The following NRXN3 variants were observed in gnomAD, a reference collection of about 807,000 sequenced individuals.
The protein encoded by NRXN3 is neurexin 3.
Under a neutral mutation model 137.6 loss-of-function variants are expected in NRXN3, and 32 were observed. The observed-to-expected ratio is 0.23, with a 90% CI of 0.18 to 0.31. The LOEUF is 0.31. Ranked by LOEUF, NRXN3 falls within the 10% of genes least tolerant of loss-of-function variation. NRXN3 has a pLI of 1.00. For synonymous variants in NRXN3, 798 were observed against 784.5 expected (o/e 1.02, Z -0.29); for missense variants, 1,574 against 2,062.5 (o/e 0.76, Z 4.59).
chr14:78,501,578 T>C (rs953014838), intron 4 of NRXN3, among the ~76,000 whole-genome samples: 1 of 152,118 alleles, frequency 6.6e-6, no homozygotes, highest in East Asian at 1.9e-4. Context: ...CACACTCAGG[T>C]GGAGAAGGTT....
chr14:78,501,583 A>G (rs192073748), intron 4 of NRXN3, among the ~76,000 whole-genome samples: 4 of 152,292 alleles, frequency 2.6e-5, no homozygotes, highest in Admixed American at 2.6e-4. Context: ...TCAGGTGGAG[A>G]AGGTTATACT....
At chr14:78,708,771 A>G (rs1286868348) in intron 6 of NRXN3, among the ~76,000 whole-genome samples, 1 of 152,210 alleles carries the variant, frequency 6.6e-6, no homozygotes, top group Non-Finnish European at 1.5e-5. Flanking sequence ...CATCAAAACC[A>G]AAAGCAATAC....
At chr14:79,307,436 T>C (rs1007617665) in intron 15 of NRXN3, among the ~76,000 whole-genome samples, 1 of 152,148 alleles carries the variant, frequency 6.6e-6, no homozygotes, top group Non-Finnish European at 1.5e-5. Context: ...GGTAATCTAT[T>C]GTTTCATGAA....
chr14:78,271,922 C>A (rs1397227622), intron 2 of NRXN3, among the ~76,000 whole-genome samples: 1 of 152,042 alleles, frequency 6.6e-6, no homozygotes, highest in Non-Finnish European at 1.5e-5. Flanking sequence ...CAGAAAGAGC[C>A]CTAGAACGAA....
At chr14:79,423,826 C>G (rs563099375) in intron 15 of NRXN3, among the ~76,000 whole-genome samples, 1 of 152,354 alleles carries the variant, frequency 6.6e-6, no homozygotes, top group African/African-American at 2.4e-5. Context: ...AGAGGAGACA[C>G]AAACAAATTG....
At chr14:78,891,255 A>G (rs746686976) in intron 10 of NRXN3, among the ~76,000 whole-genome samples, 10 of 151,956 alleles carry the variant, frequency 6.6e-5, no homozygotes, top group Non-Finnish European at 1.5e-4. Context: ...ATTTATAACA[A>G]TCAGGAAGCT....
At chr14:78,660,347 T>G (rs1251856973) in intron 6 of NRXN3, among the ~76,000 whole-genome samples, 1 of 151,658 alleles carries the variant, frequency 6.6e-6, no homozygotes, top group African/African-American at 2.4e-5. Context: ...TCATTCTCAA[T>G]CCAATGATTC....
chr14:79,766,411 G>A (rs568604496), intron 19 of NRXN3, among the ~76,000 whole-genome samples: 7 of 152,074 alleles, frequency 4.6e-5, no homozygotes, highest in South Asian at 2.1e-4. Flanking sequence ...CCTAATAGAC[G>A]CTTATTTCTT....
Position 79,278,493 on chromosome 14 carries a change from G to A in NRXN3, c.3263-188728G>A, listed in dbSNP as rs79224895. Among the ~76,000 whole-genome samples the A allele has an allele frequency of 7.6e-3, 1,158 of 152,306 alleles. 22 individuals are homozygous for A. In the South Asian group the frequency reaches 0.078, roughly 10 times the overall value. On this transcript the variant is annotated intron_variant, in intron 15 of 20. Transcript: ENST00000335750. ...CGTGTTCAGTCGTGAGGTAAACACCGTGCTGTCTTTGATGCCCAGCGCCCA... is the reference window on the plus strand; with the variant it reads ...CGTGTTCAGTCGTGAGGTAAACACCATGCTGTCTTTGATGCCCAGCGCCCA...
chr14:78,315,273 A>G (rs1262613092), intron 4 of NRXN3, among the ~76,000 whole-genome samples: 2 of 152,044 alleles, frequency 1.3e-5, no homozygotes. Context: ...GATTACAGGC[A>G]TGAGTCACTG....
intron 19 of NRXN3, among the ~76,000 whole-genome samples, chr14:79,721,580 G>A (rs957658912): frequency 6.6e-6 from 1 of 152,064 alleles, no homozygotes; most frequent in Non-Finnish European, 1.5e-5. Flanking sequence ...TTGAAGGAAT[G>A]ACTTCGGAAA....
chr14:79,479,609 A>T (rs1217273795), intron 16 of NRXN3, among the ~76,000 whole-genome samples: 1 of 152,132 alleles, frequency 6.6e-6, no homozygotes, highest in African/African-American at 2.4e-5. Flanking sequence ...AAGAATGATA[A>T]ACAGGACTAG....
chr14:78,388,529 G>C (rs2090315311), intron 4 of NRXN3, among the ~76,000 whole-genome samples: 1 of 152,046 alleles, frequency 6.6e-6, no homozygotes, highest in African/African-American at 2.4e-5. Context: ...ACAGGGGTTG[G>C]TACACAGAGG....
At chr14:78,998,884 G>A (rs891062554) in intron 15 of NRXN3, among the ~76,000 whole-genome samples, 1 of 151,290 alleles carries the variant, frequency 6.6e-6, no homozygotes, top group Non-Finnish European at 1.5e-5. Flanking sequence ...GATTACAGGC[G>A]TACATTACTT....
chr14:78,950,551 G>A (rs1348836573), intron 10 of NRXN3, among the ~76,000 whole-genome samples: 2 of 151,272 alleles, frequency 1.3e-5, no homozygotes, highest in African/African-American at 2.4e-5. Flanking sequence ...CTAGTCTTAA[G>A]GCATAGGTTA....
chr14:78,966,512 A>G (rs2099417587), intron 12 of NRXN3, 106 bp downstream of exon 12: 1 of 1,169,492 alleles, frequency 8.6e-7, no homozygotes, highest in South Asian at 1.6e-5. Context: ...CCTACCCTCC[A>G]TTCCTGACAC....
intron 17 of NRXN3, among the ~76,000 whole-genome samples, chr14:79,673,509 C>G (rs1488746809): frequency 2.0e-5 from 3 of 152,088 alleles, no homozygotes; most frequent in Non-Finnish European, 4.4e-5. Context: ...CACTTTCAAA[C>G]AGCAGAAACA....
chr14:79,522,338 T>C (rs2097074587), intron 16 of NRXN3, among the ~76,000 whole-genome samples: 1 of 152,256 alleles, frequency 6.6e-6, no homozygotes, highest in Admixed American at 6.5e-5. Flanking sequence ...CTGTTCATAT[T>C]AAGAGGGGTG....
intron 15 of NRXN3, among the ~76,000 whole-genome samples, chr14:79,395,026 T>G (rs917551940): frequency 6.6e-6 from 1 of 151,416 alleles, no homozygotes; most frequent in African/African-American, 2.4e-5. Context: ...ATCATAGAAT[T>G]TAGCTTTAGC....
Sources: allele counts gnomAD v4.1 joint callset (sites outside exome capture counted in the v4.1 genomes callset), GRCh38; gene constraint gnomAD v4.1.1; transcripts MANE v1.5; gene names NCBI Gene and HGNC (gene_info 2026-07-23, HGNC 2026-07-21).